Variants in ROBO4 observed in about 807,000 individuals in gnomAD.
ROBO4 encodes roundabout guidance receptor 4, also known as roundabout homolog 4.
ROBO4 carries 80 observed loss-of-function variants against 103.3 expected under a neutral mutation model. That is an observed-to-expected ratio of 0.77 (90% CI 0.65 to 0.93). ROBO4 has a LOEUF of 0.93. Among genes scored for constraint, ROBO4 ranks in the 40% least tolerant of loss-of-function variants. The pLI is 0.00. For synonymous variants in ROBO4, 504 were observed against 529.7 expected (o/e 0.95, Z 0.67); for missense variants, 1,333 against 1,305.3 (o/e 1.02, Z -0.33).
intron 12 of ROBO4, among the ~76,000 whole-genome samples, chr11:124,889,156 A>G (rs1010939919): frequency 1.3e-5 from 2 of 152,214 alleles, no homozygotes; most frequent in African/African-American, 4.8e-5. Flanking sequence ...CCCTCCGTCA[A>G]AGTTTCCTTT....
At position 124,887,480 on chromosome 11, in the gene ROBO4, C is replaced by T; in HGVS notation, c.2076G>A (p.Leu692=). ...SQSPGAVPQA[L]VAWRALGPKL... The stretch of plus-strand genomic sequence containing the variant: ...TCGGTCCCAGGGCCCGCCAGGCAAC[C>T]AGAGCTTGGGGCACAGCTCCTGGGG... Residue 692 remains leucine (L), a synonymous_variant, in exon 14 of 18, where the codon CTG becomes CTA. Coordinates refer to ENST00000306534, the MANE Select transcript of ROBO4 (RefSeq NM_019055.6). The T allele has an allele frequency of 6.2e-7, 1 of 1,613,874 alleles. No individual in the cohort carries two copies. Among genetic ancestry groups the T allele is most frequent in the Non-Finnish European group, 8.5e-7 (1 of 1,179,956 alleles).
chr11:124,896,799 C>G (rs967062249), intron 2 of ROBO4, 129 bp from the exon 3 acceptor site: 25 of 1,510,032 alleles, frequency 1.7e-5, no homozygotes, highest in Non-Finnish European at 1.9e-5. Flanking sequence ...CCCCAGCTTG[C>G]CCTCCCAAGC....
intron 10 of ROBO4, 54 bp from the exon 11 acceptor site, chr11:124,891,856 C>T: frequency 1.2e-6 from 2 of 1,600,710 alleles, no homozygotes; most frequent in South Asian, 1.1e-5. Flanking sequence ...GAAGTGAGAA[C>T]CTTTTTGGCC....
rs773994168 is a variant in ROBO4 at position 124,897,004 on chromosome 11, C to T, written c.328G>A (p.Gly110Ser). Reference sequence around the variant, plus strand: ...TTGCTGGCCTCACATGTGTAGACACCCAGGTCTGTGGACAGGGCCTGGCCA... The same window carrying T: ...TTGCTGGCCTCACATGTGTAGACACTCAGGTCTGTGGACAGGGCCTGGCCA... ...HDGQALSTDL[G>S]VYTCEASNRL... is the part of the protein sequence containing the mutation. The change falls in exon 2 of 18, where the codon GGT (glycine) becomes AGT (serine). Residue 110 changes from glycine (G) to serine (S), a missense_variant. Physicochemically the swap from Gly to Ser is moderately conservative, Grantham distance 56. Coordinates refer to ENST00000306534, the MANE Select transcript of ROBO4 (RefSeq NM_019055.6). 4.3e-6 allele frequency: 7 copies of T among 1,614,006 alleles called. No homozygotes were observed. The highest frequency in any genetic ancestry group is 5.9e-6 in the Non-Finnish European group (7 of 1,180,036).
At chr11:124,896,759 T>C (rs976964992) in intron 2 of ROBO4, 89 bp from the exon 3 acceptor site, 13 of 1,524,314 alleles carry the variant, frequency 8.5e-6, no homozygotes, top group Non-Finnish European at 1.1e-5. Flanking sequence ...TTTGCCCACC[T>C]TCCTGGCCTC....
intron 8 of ROBO4, 45 bp downstream of exon 8, chr11:124,894,156 G>T: frequency 6.4e-7 from 1 of 1,572,070 alleles, no homozygotes; most frequent in Non-Finnish European, 8.7e-7. Flanking sequence ...AGGAAGGCGG[G>T]ATGCAGGCTG....
chr11:124,895,978 TC>T, intron 4 of ROBO4, 66 bp from the exon 5 acceptor site: 3 of 1,597,646 alleles, frequency 1.9e-6, no homozygotes, highest in Non-Finnish European at 2.6e-6. Flanking sequence ...GCGTGGAACA[TC>T]CCTCAGCCAG....
At position 124,891,364 on chromosome 11, in the gene ROBO4, C is replaced by G; in HGVS notation, c.1883G>C (p.Arg628Thr). ...CSSSDSLCSR[R>T]GLSSPRLSLA... is the part of the protein sequence containing the mutation. ...AGACAAGCGGGGAGAAGAGAGTCCC[C>G]TGCGGCTGCAGAGGCTGTCTGAGCT... Residue 628 changes from arginine (R) to threonine (T), a missense_variant, in exon 12 of 18, where the codon AGG becomes ACG. Transcript: ENST00000306534. The G allele has an allele frequency of 6.5e-7, 1 of 1,549,968 alleles. No homozygotes were observed. The highest frequency in any genetic ancestry group is 8.7e-7 in the Non-Finnish European group (1 of 1,148,968).
At chr11:124,895,060 T>C in intron 7 of ROBO4, 21 bp downstream of exon 7, 11 of 1,539,818 alleles carry the variant, frequency 7.1e-6, no homozygotes, top group Non-Finnish European at 9.0e-6. Flanking sequence ...TAGGAAGGGC[T>C]ATGACAGCTA....
At position 124,895,398 on chromosome 11, in the gene ROBO4, C is replaced by T. The variant is rs76547251; in HGVS notation, c.1036+59G>A. On this transcript the variant is annotated intron_variant, in intron 6 of 17. Coordinates refer to ENST00000306534, the MANE Select transcript of ROBO4 (RefSeq NM_019055.6). Reference sequence around the variant, plus strand: ...ACTGAAGCAGAACAGTCCAGGGGCCCCCAAATAAGAAGGAGCCAGAGGGGA... The same window carrying T: ...ACTGAAGCAGAACAGTCCAGGGGCCTCCAAATAAGAAGGAGCCAGAGGGGA... The T allele has an allele frequency of 4.6e-4, 708 of 1,527,276 alleles. 6 individuals are homozygous for T. In the East Asian group the frequency reaches 0.012, roughly 26 times the overall value. 94.6% of individuals were successfully genotyped at this position (1,527,276 alleles called of 1,614,324 possible).
At position 124,887,143 on chromosome 11, in the gene ROBO4, A is replaced by T. The variant is rs148029461; in HGVS notation, c.2269T>A (p.Cys757Ser). Residue 757 changes from cysteine to serine, a missense_variant, in exon 15 of 18, where the codon TGC becomes AGC. By Grantham distance (112) the Cys-to-Ser change is moderately radical. Coordinates refer to ENST00000306534, the MANE Select transcript of ROBO4 (RefSeq NM_019055.6). Reference sequence around the variant, plus strand: ...GAGGCCTGGGGGCTAGGGGGACTGCAGGGGCTAAGGATGGGGATGGGGGCT... The same window carrying T: ...GAGGCCTGGGGGCTAGGGGGACTGCTGGGGCTAAGGATGGGGATGGGGGCT... ...PAAPIPILSPCSPPSPQASSL... is the reference protein window; with the variant it reads ...PAAPIPILSPSSPPSPQASSL... 316 of 1,610,564 alleles carry T rather than the reference A, an allele frequency of 2.0e-4. No homozygotes were observed. In the African/African-American group the frequency reaches 3.7e-3, roughly 19 times the overall value.
Position 124,887,125 on chromosome 11 carries a change from G to A in ROBO4, c.2287C>T (p.Gln763Ter), listed in dbSNP as rs1461516060. ...ILSPCSPPSP[Q>*]ASSLSGPSPA... ...CTGGGGCCAGAGAGGGAAGAGGCCTGGGGGCTAGGGGGACTGCAGGGGCTA... is the reference window on the plus strand; with the variant it reads ...CTGGGGCCAGAGAGGGAAGAGGCCTAGGGGCTAGGGGGACTGCAGGGGCTA... Residue 763 changes from glutamine to a stop codon, truncating the protein, a stop_gained, in exon 15 of 18, where the codon CAG (glutamine) becomes TAG (stop). Transcript: ENST00000306534. LOFTEE classifies it high-confidence loss of function. 6.2e-7 allele frequency: 1 copy of A among 1,613,416 alleles called. No individual in the cohort carries two copies. Among genetic ancestry groups the A allele is most frequent in the African/African-American group, 1.3e-5 (1 of 74,876 alleles).
At position 124,896,960 on chromosome 11, in the gene ROBO4, G is replaced by A. The variant is rs1355954301; in HGVS notation, c.372C>T (p.Val124=). The A allele has an allele frequency of 6.2e-7, 1 of 1,613,518 alleles. No homozygotes were observed. The highest frequency in any genetic ancestry group is 8.5e-7 in the Non-Finnish European group (1 of 1,180,026). Residue 124 remains valine, a synonymous_variant, in exon 2 of 18, where the codon GTC becomes GTT. Coordinates refer to ENST00000306534, the MANE Select transcript of ROBO4 (RefSeq NM_019055.6). ...CCACAGACAGCCGAGCGCCTCTGCT[G>A]ACTGCCGTGCCAAGCCGGTTGCTGG... ...CEASNRLGTA[V]SRGARLSVAV... is the part of the protein sequence containing the mutation.
In ROBO4 at chr11:124,887,975, T is replaced by C. The variant is rs1039681910; in HGVS notation, c.1949-135A>G. On this transcript the variant is annotated intron_variant, in intron 12 of 17. Transcript: ENST00000306534. ...GAGAAAAGAGGGGGAACCCCCTGAATCCCCTCCACACCCCCATCTTCATCC... is the reference window on the plus strand; with the variant it reads ...GAGAAAAGAGGGGGAACCCCCTGAACCCCCTCCACACCCCCATCTTCATCC... 1.5e-5 allele frequency: 10 copies of C among 665,908 alleles called. No individual in the cohort carries two copies. The African/African-American group carries it at 1.8e-4, about 12-fold the overall frequency. The allele number at this position is 665,908 out of a possible 1,614,324, so 41.2% of individuals were successfully genotyped here.
At position 124,895,615 on chromosome 11, in the gene ROBO4, T is replaced by G. The variant is rs60888551; in HGVS notation, c.878A>C (p.Gln293Pro). ...LFRTQTAPGG[Q>P]GAPWAEELLA... ...CAGCTCCTCTGCCCACGGAGCTCCC[T>G]GGCCTCCCGGGGCAGTCTGGGTCCT... The change falls in exon 6 of 18, where the codon CAG becomes CCG. Residue 293 changes from glutamine (Q) to proline (P), a missense_variant. Physicochemically the swap from Gln to Pro is moderately conservative, Grantham distance 76. Transcript: ENST00000306534. 24,740 of 1,613,718 alleles carry G rather than the reference T, an allele frequency of 0.015. 1,470 individuals are homozygous for G. The African/African-American group carries it at 0.19, about 12-fold the overall frequency.
At chr11:124,889,857 GA>G (rs1265616915) in intron 12 of ROBO4, among the ~76,000 whole-genome samples, 1 of 152,168 alleles carries the variant, frequency 6.6e-6, no homozygotes, top group African/African-American at 2.4e-5. Flanking sequence ...GAGGTCCTGG[GA>G]GGTAGAGGTA....
Position 124,884,915 on chromosome 11 carries a change from T to A in ROBO4, c.3002-2A>T. 6.2e-7 allele frequency: 1 copy of A among 1,614,170 alleles called. No individual in the cohort carries two copies. Reference sequence around the variant, plus strand: ...TTCAGGAGTAATCTACAGGAGAAGCTGAAGGACAGTGGAGTTATCTCCCTT... The same window carrying A: ...TTCAGGAGTAATCTACAGGAGAAGCAGAAGGACAGTGGAGTTATCTCCCTT... On this transcript the variant is annotated splice_acceptor_variant, in intron 17 of 17. Coordinates refer to ENST00000306534, the MANE Select transcript of ROBO4 (RefSeq NM_019055.6). LOFTEE classifies it high-confidence loss of function.
intron 6 of ROBO4, 70 bp downstream of exon 6, chr11:124,895,387 G>T: frequency 6.8e-7 from 1 of 1,460,694 alleles, no homozygotes; most frequent in Non-Finnish European, 9.4e-7. Flanking sequence ...AAGCAGAACA[G>T]TCCAGGGGCC....
intron 10 of ROBO4, 47 bp from the exon 11 acceptor site, chr11:124,891,849 G>A: frequency 1.2e-6 from 2 of 1,608,188 alleles, no homozygotes; most frequent in Non-Finnish European, 1.7e-6. Flanking sequence ...ACAGGGAGAA[G>A]TGAGAACCTT....
Sources: gnomAD v4.1 joint callset for allele counts (sites outside exome capture counted in the v4.1 genomes callset) on GRCh38, gnomAD v4.1.1 for gene constraint, MANE v1.5 for transcripts, NCBI Gene and HGNC (gene_info 2026-07-23, HGNC 2026-07-21) for gene names.